The following SPINK5 variants were observed in gnomAD, a reference collection of about 807,000 sequenced individuals.
SPINK5 encodes the protein serine peptidase inhibitor Kazal type 5.
SPINK5 carries 125 observed loss-of-function variants against 151.8 expected under a neutral mutation model. The observed-to-expected ratio is 0.82, with a 90% CI of 0.71 to 0.96. SPINK5 has a LOEUF of 0.96. SPINK5 is among the 40% of genes least tolerant of loss of function. The probability of loss-of-function intolerance (pLI) is 0.00; values close to 1 mark genes in which losing one functional copy is unlikely to be tolerated. For synonymous variants in SPINK5, 374 were observed against 395.3 expected, an observed-to-expected ratio of 0.95 and a Z score of 0.64; for missense variants, 1,194 against 1,291.9, an observed-to-expected ratio of 0.92 and a Z score of 1.16.
Position 148,101,446 on chromosome 5 carries a change from T to C in SPINK5, c.1302+10T>C, listed in dbSNP as rs1287391845. 6.3e-7 allele frequency: 1 copy of C among 1,597,474 alleles called. No homozygotes were observed. Among genetic ancestry groups the C allele is most frequent in the South Asian group, 1.1e-5 (1 of 90,752 alleles). On this transcript the variant is annotated intron_variant, in intron 14 of 32. Transcript: ENST00000256084. ...TACAGCTTCCTTTGAGGTGAGTTTATATCCTCCAGCAACTCAGAGGGATAT... is the reference window on the plus strand; with the variant it reads ...TACAGCTTCCTTTGAGGTGAGTTTACATCCTCCAGCAACTCAGAGGGATAT...
intron 4 of SPINK5, among the ~76,000 whole-genome samples, chr5:148,075,115 G>A (rs1195838398): frequency 6.6e-6 from 1 of 151,382 alleles, no homozygotes. Flanking sequence ...GACTTCAATA[G>A]TTAAACACTA....
chr5:148,083,020 G>A lies in SPINK5; in HGVS notation c.283-3385G>A, dbSNP rs910597110. On this transcript the variant is annotated intron_variant, in intron 4 of 32. Transcript: ENST00000256084. ...CTTAATATATAAATTTCTGAGAAGT[G>A]TTTGCTTAAATCTCTAACTCCAGTT... Among the ~76,000 whole-genome samples the A allele has an allele frequency of 4.7e-5, 7 of 150,260 alleles. No individual in the cohort carries two copies. In the South Asian group the frequency reaches 6.3e-4, roughly 14 times the overall value.
chr5:148,119,436 G>A (rs79126482), intron 24 of SPINK5, among the ~76,000 whole-genome samples: 2,169 of 152,254 alleles, frequency 0.014, 40 homozygotes, highest in South Asian at 0.1. Flanking sequence ...AAGCAGATGC[G>A]TAAAATAACA....
At chr5:148,129,034 C>G (rs982470513) in intron 30 of SPINK5, among the ~76,000 whole-genome samples, 7 of 152,192 alleles carry the variant, frequency 4.6e-5, no homozygotes, top group Admixed American at 2.0e-4. Flanking sequence ...GTGACATATA[C>G]AGAGAATAAC....
chr5:148,129,445 A>G (rs1754520021), intron 30 of SPINK5, among the ~76,000 whole-genome samples: 1 of 152,178 alleles, frequency 6.6e-6, no homozygotes, highest in African/African-American at 2.4e-5. Context: ...GAGAGGTGGT[A>G]AGATACTGGG....
At chr5:148,134,360 T>G (rs1754647054) in intron 32 of SPINK5, among the ~76,000 whole-genome samples, 1 of 152,154 alleles carries the variant, frequency 6.6e-6, no homozygotes, top group Non-Finnish European at 1.5e-5. Flanking sequence ...CAACGTACGT[T>G]ACTGAATTTA....
chr5:148,108,826 G>A lies in SPINK5; in HGVS notation c.1681G>A (p.Glu561Lys), dbSNP rs771426270. The A allele has an allele frequency of 3.8e-5, 62 of 1,612,242 alleles. No homozygotes were observed. The Admixed American group carries it at 1.0e-3, about 26-fold the overall frequency. ...AGTCGAGGCTGAAAAAGTTAAGAGAGAAGCAGTTCAGGTAGTTGTTTGAGA... is the reference window on the plus strand; with the variant it reads ...AGTCGAGGCTGAAAAAGTTAAGAGAAAAGCAGTTCAGGTAGTTGTTTGAGA... ...GKVEAEKVKR[E>K]AVQELCSEYR... is the part of the protein sequence containing the mutation. The change falls in exon 18 of 33, where the codon GAA becomes AAA. Residue 561 changes from glutamate (E) to lysine (K), a missense_variant. Physicochemically the swap from Glu to Lys is moderately conservative, Grantham distance 56. Transcript: ENST00000256084.
chr5:148,100,599 T>A lies in SPINK5; in HGVS notation c.1220+18T>A, dbSNP rs1298901749. 6.2e-7 allele frequency: 1 copy of A among 1,612,062 alleles called. No homozygotes were observed. Among genetic ancestry groups the A allele is most frequent in the Non-Finnish European group, 8.5e-7 (1 of 1,178,614 alleles). On this transcript the variant is annotated intron_variant, in intron 13 of 32. Transcript: ENST00000256084. ...GTCTTCTTGTGAGTAGCCCTGCAGC[T>A]GGGAACATGGAGGAATGATTTTGTT...
intron 4 of SPINK5, among the ~76,000 whole-genome samples, chr5:148,074,026 G>C (rs984263657): frequency 2.0e-5 from 3 of 151,698 alleles, no homozygotes; most frequent in Non-Finnish European, 4.4e-5. Context: ...ATTTTTCCTT[G>C]TCTCTGTATT....
chr5:148,098,009 T>A lies in SPINK5; in HGVS notation c.1010+15T>A. The A allele has an allele frequency of 1.2e-6, 2 of 1,609,858 alleles. No homozygotes were observed. Among genetic ancestry groups the A allele is most frequent in the Non-Finnish European group, 1.7e-6 (2 of 1,177,098 alleles). The stretch of plus-strand genomic sequence containing the variant: ...CAAGCCTACTTGTGAGTATAGAGTT[T>A]TAGAATGTCAAAGAAAGAAGGGATC... On this transcript the variant is annotated intron_variant, in intron 11 of 32. Coordinates refer to ENST00000256084, the MANE Select transcript of SPINK5 (RefSeq NM_006846.4).
At chr5:148,099,468 T>C (rs1165607303) in intron 12 of SPINK5, among the ~76,000 whole-genome samples, 153 bp downstream of exon 12, 1 of 148,686 alleles carries the variant, frequency 6.7e-6, no homozygotes, top group East Asian at 2.0e-4. Context: ...ATGGGAAGAT[T>C]GATCCATTCT....
intron 23 of SPINK5, 98 bp downstream of exon 23, chr5:148,118,662 A>T (rs1287570549): frequency 6.6e-7 from 1 of 1,512,112 alleles, no homozygotes; most frequent in Non-Finnish European, 9.1e-7. Context: ...CATGCAAATT[A>T]TTCTTTTTGC....
intron 10 of SPINK5, 67 bp downstream of exon 10, chr5:148,095,972 G>A: frequency 8.0e-7 from 1 of 1,244,040 alleles, no homozygotes; most frequent in East Asian, 2.3e-5. Flanking sequence ...GTGTGAGAGA[G>A]TGCATATTAC....
intron 4 of SPINK5, among the ~76,000 whole-genome samples, chr5:148,076,851 C>A (rs1353448131): frequency 6.6e-6 from 1 of 151,526 alleles, no homozygotes; most frequent in Non-Finnish European, 1.5e-5. Flanking sequence ...GGCTCAGAAG[C>A]AGATTTGTGA....
intron 7 of SPINK5, 137 bp downstream of exon 7, chr5:148,089,758 A>T: frequency 9.6e-6 from 12 of 1,252,790 alleles, no homozygotes; most frequent in Non-Finnish European, 1.4e-5. Flanking sequence ...AGCCTTTCTC[A>T]CAGAAAGGCT....
intron 4 of SPINK5, among the ~76,000 whole-genome samples, chr5:148,077,410 T>C (rs1479365281): frequency 2.0e-5 from 3 of 150,946 alleles, no homozygotes; most frequent in Non-Finnish European, 3.0e-5. Flanking sequence ...AATAAAGATA[T>C]TACTGTACTA....
intron 4 of SPINK5, among the ~76,000 whole-genome samples, chr5:148,083,534 A>G (rs921496145): frequency 2.6e-5 from 4 of 151,262 alleles, no homozygotes; most frequent in Admixed American, 6.6e-5. Flanking sequence ...TCTTATTATG[A>G]CTATCCCTAA....
At chr5:148,124,934 C>A in intron 28 of SPINK5, 97 bp downstream of exon 28, 2 of 1,312,094 alleles carry the variant, frequency 1.5e-6, no homozygotes, top group South Asian at 2.3e-5. Flanking sequence ...ATATTAATAT[C>A]TTAACTTCAA....
At chr5:148,089,993 A>T (rs1753267279) in intron 7 of SPINK5, among the ~76,000 whole-genome samples, 1 of 151,846 alleles carries the variant, frequency 6.6e-6, no homozygotes, top group Admixed American at 6.6e-5. Context: ...GCATATGTAG[A>T]GACCCTTCCT....
Sources: allele counts gnomAD v4.1 joint callset (sites outside exome capture counted in the v4.1 genomes callset), GRCh38; gene constraint gnomAD v4.1.1; transcripts MANE v1.5; gene names NCBI Gene and HGNC (gene_info 2026-07-23, HGNC 2026-07-21).